Variants in PTGIS observed in about 807,000 individuals in gnomAD.
PTGIS encodes prostacyclin synthase.
In PTGIS, 45 loss-of-function variants were observed where a neutral mutation model predicts 50.3. The observed-to-expected ratio is 0.90, with a 90% CI of 0.70 to 1.15. The LOEUF is 1.15. Ranked by LOEUF, PTGIS falls within the 50% of genes most tolerant of loss-of-function variation. The probability of loss-of-function intolerance (pLI) is 0.00; values close to 1 mark genes in which losing one functional copy is unlikely to be tolerated. For missense variants in PTGIS, 668 were observed against 661.3 expected, an observed-to-expected ratio of 1.01 and a Z score of -0.11; for synonymous variants, 260 against 267.7, an observed-to-expected ratio of 0.97 and a Z score of 0.28.
chr20:49,510,259 C>G (rs1012005542), intron 9 of PTGIS, among the ~76,000 whole-genome samples: 1 of 152,074 alleles, frequency 6.6e-6, no homozygotes, highest in Non-Finnish European at 1.5e-5. Context: ...TAATTGACTC[C>G]ATTTTCTTGA....
chr20:49,555,527 C>A (rs78697714), intron 1 of PTGIS, among the ~76,000 whole-genome samples: 6,265 of 152,190 alleles, frequency 0.041, 414 homozygotes, highest in African/African-American at 0.14. Context: ...TAAAATCATA[C>A]AGGAAGCATT....
chr20:49,517,480 A>ATGTG (rs1568670437), intron 6 of PTGIS, among the ~76,000 whole-genome samples: 16 of 151,844 alleles, frequency 1.1e-4, no homozygotes, highest in Admixed American at 2.6e-4. Context: ...GTGTGTGTGC[A>ATGTG]CACACAACCA....
intron 5 of PTGIS, 118 bp downstream of exon 5, chr20:49,539,452 C>T (rs1982165377): frequency 8.2e-7 from 1 of 1,226,626 alleles, no homozygotes; most frequent in Non-Finnish European, 1.1e-6. Flanking sequence ...CTTACTGCCT[C>T]CCTGGGCATT....
chr20:49,557,368 A>G (rs186504102), intron 1 of PTGIS, among the ~76,000 whole-genome samples: 1 of 152,246 alleles, frequency 6.6e-6, no homozygotes, highest in South Asian at 2.1e-4. Flanking sequence ...AGACAGGAGG[A>G]TCACTTGAGC....
intron 7 of PTGIS, 109 bp from the exon 8 acceptor site, chr20:49,513,370 G>T: frequency 1.6e-6 from 2 of 1,244,838 alleles, no homozygotes; most frequent in Non-Finnish European, 2.3e-6. Flanking sequence ...CAGAGAGGGT[G>T]CCTGCCTCGC....
chr20:49,558,713 ATT>A (rs33976646), intron 1 of PTGIS, among the ~76,000 whole-genome samples: 73,507 of 143,964 alleles, frequency 0.51, 18,572 homozygotes, highest in East Asian at 0.67. Flanking sequence ...AAGTTAGACA[ATT>A]TTTTTTTTTT....
At chr20:49,564,282 C>T (rs1243365524) in intron 1 of PTGIS, among the ~76,000 whole-genome samples, 2 of 151,620 alleles carry the variant, frequency 1.3e-5, no homozygotes, top group Admixed American at 6.6e-5. Context: ...GATGGAGTCT[C>T]GCTCTGTTGC....
chr20:49,556,379 C>T (rs1160785524), intron 1 of PTGIS, among the ~76,000 whole-genome samples: 1 of 152,160 alleles, frequency 6.6e-6, no homozygotes, highest in Non-Finnish European at 1.5e-5. Flanking sequence ...GAAAAACTGG[C>T]TTCATATACC....
intron 6 of PTGIS, among the ~76,000 whole-genome samples, chr20:49,523,156 T>A (rs562110548): frequency 6.6e-6 from 1 of 152,354 alleles, no homozygotes; most frequent in African/African-American, 2.4e-5. Flanking sequence ...AAAACTGGAA[T>A]ACAGATTGTT....
chr20:49,539,625 G>T lies in PTGIS; in HGVS notation c.618C>A (p.Thr206=), dbSNP rs1337257034. 3 of 1,614,084 alleles carry T rather than the reference G, an allele frequency of 1.9e-6. No homozygotes were observed. Among genetic ancestry groups the T allele is most frequent in the Admixed American group, 1.7e-5 (1 of 60,010 alleles). The stretch of plus-strand genomic sequence containing the variant: ...GGAGCAGCCGGTCGAGCTGGCGAAA[G>T]GTGTGGAAGACATCAGCTGAGTGGA... ...DRVHSADVFH[T]FRQLDRLLPK... is the part of the protein sequence containing the mutation. Residue 206 remains threonine, a synonymous_variant, in exon 5 of 10, where the codon ACC becomes ACA. Transcript: ENST00000244043.
chr20:49,518,516 T>C (rs1981555915), intron 6 of PTGIS, among the ~76,000 whole-genome samples: 1 of 152,216 alleles, frequency 6.6e-6, no homozygotes. Context: ...AATGTCCCAA[T>C]GTGAATTTCT....
intron 3 of PTGIS, among the ~76,000 whole-genome samples, chr20:49,544,970 T>C (rs1363436451): frequency 6.6e-6 from 1 of 152,198 alleles, no homozygotes; most frequent in African/African-American, 2.4e-5. Context: ...GACTCAGGAC[T>C]GCCAATAAGA....
chr20:49,523,208 T>C lies in PTGIS; in HGVS notation c.855+850A>G, dbSNP rs74983253. Among the ~76,000 whole-genome samples, 705 of 152,204 alleles carry C rather than the reference T, an allele frequency of 4.6e-3. 3 individuals carry two copies. Among genetic ancestry groups the C allele is most frequent in the African/African-American group, 0.016 (673 of 41,518 alleles). ...TGTATTTGGGCTCATTATCCTGAAA[T>C]TGGTTATTGTACTGTGGTCATGCAG... On this transcript the variant is annotated intron_variant, in intron 6 of 9. Coordinates refer to ENST00000244043, the MANE Select transcript of PTGIS (RefSeq NM_000961.4).
chr20:49,509,588 C>T (rs1292035189), intron 9 of PTGIS, among the ~76,000 whole-genome samples: 1 of 152,174 alleles, frequency 6.6e-6, no homozygotes, highest in African/African-American at 2.4e-5. Flanking sequence ...CGTGCAATTT[C>T]ACTTGTGAGA....
intron 5 of PTGIS, 35 bp downstream of exon 5, chr20:49,539,534 CT>C (rs1568679374): frequency 1.2e-6 from 2 of 1,605,522 alleles, no homozygotes; most frequent in Non-Finnish European, 1.7e-6. Flanking sequence ...TCTTTCCATC[CT>C]CCCCCCCACC....
intron 5 of PTGIS, among the ~76,000 whole-genome samples, chr20:49,531,287 A>G (rs1026812474): frequency 6.6e-6 from 1 of 152,194 alleles, no homozygotes; most frequent in African/African-American, 2.4e-5. Context: ...TATGGGAGTG[A>G]GGAAGAGAAG....
intron 1 of PTGIS, among the ~76,000 whole-genome samples, chr20:49,566,941 A>T (rs1286870691): frequency 6.6e-6 from 1 of 152,230 alleles, no homozygotes; most frequent in Non-Finnish European, 1.5e-5. Context: ...GATGTTAACA[A>T]TAGGGAAAAC....
Position 49,524,189 on chromosome 20 carries a change from A to T in PTGIS, c.724T>A (p.Ser242Thr), listed in dbSNP as rs1168586238. 1 of 1,613,068 alleles carries T rather than the reference A, an allele frequency of 6.2e-7. No homozygotes were observed. The highest frequency in any genetic ancestry group is 1.7e-5 in the Admixed American group (1 of 59,994). The change falls in exon 6 of 10, where the codon TCC (serine) becomes ACC (threonine). Residue 242 changes from serine to threonine, a missense_variant. Coordinates refer to ENST00000244043, the MANE Select transcript of PTGIS (RefSeq NM_000961.4). ...GCCCGCCTGGCCAGCCTGGCTGGGG[A>T]TAGCAGCTTCCACAGGCGACTTTTG... Reference protein sequence around the residue: ...SVKSRLWKLLSPARLARRAHR... With the variant: ...SVKSRLWKLLTPARLARRAHR...
chr20:49,533,698 G>A (rs182033890), intron 5 of PTGIS, among the ~76,000 whole-genome samples: 10 of 152,136 alleles, frequency 6.6e-5, no homozygotes, highest in Non-Finnish European at 1.5e-4. Flanking sequence ...GGCTCACACC[G>A]GTAATCCTAG....
Sources: allele counts gnomAD v4.1 joint callset (sites outside exome capture counted in the v4.1 genomes callset), GRCh38; gene constraint gnomAD v4.1.1; transcripts MANE v1.5; gene names NCBI Gene and HGNC (gene_info 2026-07-23, HGNC 2026-07-21).